The following MEG3 variants were observed in gnomAD, a reference collection of about 807,000 sequenced individuals.
MEG3 encodes the protein maternally expressed 3, also known as Very putative protein from MEG3 locus.
chr14:100,838,656 G>A (rs2037661696), intron 2 of MEG3, among the ~76,000 whole-genome samples: 1 of 152,120 alleles, frequency 6.6e-6, no homozygotes, highest in Admixed American at 6.5e-5. Context: ...CTGGCCATTT[G>A]TCATCGTGCT....
intron 2 of MEG3, among the ~76,000 whole-genome samples, chr14:100,842,511 T>C (rs867756413): frequency 2.0e-5 from 3 of 152,196 alleles, no homozygotes; most frequent in Non-Finnish European, 4.4e-5. Flanking sequence ...TACAGGAAAT[T>C]AGCTCTGCAA....
chr14:100,841,989 A>T (rs2037774848), intron 2 of MEG3, among the ~76,000 whole-genome samples: 1 of 152,180 alleles, frequency 6.6e-6, no homozygotes, highest in Non-Finnish European at 1.5e-5. Context: ...CTTCTGGAAA[A>T]GTGATCATCA....
chr14:100,836,390 T>G (rs547687390), intron 2 of MEG3: 38 of 435,434 alleles, frequency 8.7e-5, no homozygotes, highest in African/African-American at 6.8e-4. Context: ...AACATTTAAT[T>G]TGGGGAGGAG....
rs1274009795 is a variant in MEG3, at chr14:100,837,670, C to G, written n.3045+1370C>G. Reference sequence around the variant, plus strand: ...GTGCAGGCCTCCGCCCTCCGCCACCCCCCACCCCCGGAGTGTCTCTGGTTT... The same window carrying G: ...GTGCAGGCCTCCGCCCTCCGCCACCGCCCACCCCCGGAGTGTCTCTGGTTT... On this transcript the variant is annotated intron_variant and non_coding_transcript_variant, in intron 2 of 3. Coordinates refer to the MEG3 transcript ENST00000398461. The surrounding 1 kb of genome is among the most constrained non-coding windows in gnomAD (Gnocchi z 5.8). Among the ~76,000 whole-genome samples, 2 of 152,062 alleles carry G rather than the reference C, an allele frequency of 1.3e-5. No homozygotes were observed. The highest frequency in any genetic ancestry group is 4.8e-5 in the African/African-American group (2 of 41,402).
At chr14:100,852,541 G>T, upstream of MEG3, 1 of 433,814 alleles carries the variant, frequency 2.3e-6, no homozygotes. Context: ...ACTGAGGTCT[G>T]GGGGTGCACT....
At chr14:100,842,917 C>G (rs190019326) in intron 2 of MEG3, among the ~76,000 whole-genome samples, 71 of 152,314 alleles carry the variant, frequency 4.7e-4, no homozygotes, top group Admixed American at 2.1e-3. Context: ...CTCCTCTGGA[C>G]TCTATAAGGA....
At position 100,837,032 on chromosome 14, in the gene MEG3, G is replaced by A. The variant is rs760884764; in HGVS notation, n.3045+732G>A. 6.6e-6 allele frequency among the ~76,000 whole-genome samples: 1 copy of A among 152,190 alleles called. No individual in the cohort carries two copies. Among genetic ancestry groups the A allele is most frequent in the Non-Finnish European group, 1.5e-5 (1 of 68,024 alleles). ...AAGATGCAGCCGGGAGCCGTCCAGGGCTCGGGCCTGGGGTTGTTCTGGGGC... is the reference window on the plus strand; with the variant it reads ...AAGATGCAGCCGGGAGCCGTCCAGGACTCGGGCCTGGGGTTGTTCTGGGGC... On this transcript the variant is annotated intron_variant and non_coding_transcript_variant, in intron 2 of 3. Transcript: ENST00000398461. This position sits in a 1 kb window ranked among gnomAD's most constrained non-coding sequence, Gnocchi z 5.8.
At chr14:100,836,146 A>G (rs1428205422) in intron 1 of MEG3, 4 of 439,892 alleles carry the variant, frequency 9.1e-6, no homozygotes, top group Admixed American at 2.7e-5. Context: ...CCATGATTCT[A>G]ACTCTCTGCC....
intron 2 of MEG3, among the ~76,000 whole-genome samples, chr14:100,841,228 A>C (rs2037749774): frequency 6.6e-6 from 1 of 152,210 alleles, no homozygotes; most frequent in Admixed American, 6.5e-5. Flanking sequence ...TTGGCTGGTC[A>C]CTGACTTTGC....
chr14:100,839,598 G>A (rs2037690955), intron 2 of MEG3, among the ~76,000 whole-genome samples: 1 of 152,212 alleles, frequency 6.6e-6, no homozygotes, highest in Admixed American at 6.5e-5. Flanking sequence ...GGGAGTCTAA[G>A]GAAAGGGGAG....
exon 1 of MEG3, chr14:100,834,937 C>T (rs1595266325): frequency 2.2e-5 from 9 of 404,270 alleles, no homozygotes; most frequent in South Asian, 1.1e-4. Context: ...GCGGCCATCC[C>T]GTCATCCAAC....
At chr14:100,840,110 T>C (rs56994090) in intron 2 of MEG3, among the ~76,000 whole-genome samples, 65,513 of 152,062 alleles carry the variant, frequency 0.43, 14,318 homozygotes, top group Admixed American at 0.45. Flanking sequence ...CATGAGGGAC[T>C]GTGTGTGAGA....
chr14:100,855,086 C>G (rs976568317), upstream of MEG3: 1 of 152,686 alleles, frequency 6.5e-6, no homozygotes, highest in Non-Finnish European at 1.5e-5. Context: ...CTCAGCAGAG[C>G]TGCTTCTGCC....
exon 1 of MEG3, chr14:100,835,711 T>G (rs2037551013): frequency 5.8e-6 from 1 of 172,116 alleles, no homozygotes; most frequent in Admixed American, 6.4e-5. Flanking sequence ...CAGGAGCCAC[T>G]CCCACTCCAG....
At chr14:100,854,675 T>C (rs532824360), upstream of MEG3, 1 of 152,648 alleles carries the variant, frequency 6.6e-6, no homozygotes, top group East Asian at 1.9e-4. Context: ...AGCCACATCC[T>C]AGCACCCTGT....
intron 2 of MEG3, among the ~76,000 whole-genome samples, chr14:100,840,962 G>A (rs2037738150): frequency 6.6e-6 from 1 of 152,212 alleles, no homozygotes; most frequent in African/African-American, 2.4e-5. Context: ...AGTGGACATA[G>A]AGTGATTCCC....
intron 3 of MEG3, chr14:100,850,913 C>A (rs890848154): frequency 6.6e-6 from 1 of 152,262 alleles, no homozygotes; most frequent in Non-Finnish European, 1.5e-5. Context: ...GAGGAAGGAA[C>A]CTTCTTTCCA....
chr14:100,831,464 C>A (rs533942152), downstream of MEG3: 2 of 152,872 alleles, frequency 1.3e-5, no homozygotes, highest in South Asian at 4.1e-4. Context: ...GTCTTCCTTC[C>A]TCACCTCCAA....
exon 1 of MEG3, chr14:100,860,195 C>G: frequency 5.4e-6 from 1 of 184,432 alleles, no homozygotes; most frequent in East Asian, 1.8e-4. Context: ...GAGACAGTGG[C>G]AGAGGGAAGT....
Sources: gnomAD v4.1 joint callset for allele counts (sites outside exome capture counted in the v4.1 genomes callset) on GRCh38, gnomAD v4.1.1 for gene constraint, Gnocchi (gnomAD v3.1) non-coding constraint, MANE v1.5 for transcripts, NCBI Gene and HGNC (gene_info 2026-07-23, HGNC 2026-07-21) for gene names.